The following PLA2G4A variants were observed in gnomAD, a reference collection of about 807,000 sequenced individuals.
The protein encoded by PLA2G4A is phospholipase A2 group IVA, also known as cytosolic phospholipase A2.
A neutral mutation model predicts 81.9 loss-of-function variants in PLA2G4A; 40 were observed. That is an observed-to-expected ratio of 0.49 (90% confidence interval 0.38 to 0.64). The LOEUF (loss-of-function observed/expected upper bound fraction) is 0.64. Ranked by LOEUF, PLA2G4A falls within the 30% of genes least tolerant of loss-of-function variation. The probability of loss-of-function intolerance (pLI) is 0.00; values close to 1 mark genes in which losing one functional copy is unlikely to be tolerated. For synonymous variants in PLA2G4A, 302 were observed against 296.9 expected, an observed-to-expected ratio of 1.02 and a Z score of -0.18; for missense variants, 715 against 905.1, an observed-to-expected ratio of 0.79 and a Z score of 2.69.
At position 186,936,944 on chromosome 1, in the gene PLA2G4A, A is replaced by G. The variant is rs185777469; in HGVS notation, c.696-2064A>G. Among the ~76,000 whole-genome samples, 216 of 151,942 alleles carry G rather than the reference A, an allele frequency of 1.4e-3. 2 individuals are homozygous for G. The highest frequency in any genetic ancestry group is 6.2e-4 in the South Asian group (3 of 4,822). The stretch of plus-strand genomic sequence containing the variant: ...TAAGCTACTCTCTTTTTGAAACTTG[A>G]TGGTATAATTGGGAAACATTATTGG... On this transcript the variant is annotated intron_variant, in intron 8 of 17. Coordinates refer to ENST00000367466, the MANE Select transcript of PLA2G4A (RefSeq NM_024420.3).
chr1:186,843,567 T>C (rs561918374), intron 1 of PLA2G4A, among the ~76,000 whole-genome samples: 1 of 152,312 alleles, frequency 6.6e-6, no homozygotes, highest in Non-Finnish European at 1.5e-5. Flanking sequence ...TAGTATACAA[T>C]ATTGTGATAA....
chr1:186,970,024 A>G (rs772035813), intron 15 of PLA2G4A, among the ~76,000 whole-genome samples: 1 of 152,002 alleles, frequency 6.6e-6, no homozygotes, highest in African/African-American at 2.4e-5. Context: ...TTACATTCCA[A>G]GCAACCATGT....
At chr1:186,958,817 G>A (rs1016433624) in intron 14 of PLA2G4A, among the ~76,000 whole-genome samples, 2 of 152,188 alleles carry the variant, frequency 1.3e-5, no homozygotes, top group African/African-American at 2.4e-5. Context: ...CTTCCTGGAA[G>A]TTTTGCAATA....
intron 2 of PLA2G4A, among the ~76,000 whole-genome samples, chr1:186,865,770 G>A (rs544641167): frequency 6.6e-6 from 1 of 152,068 alleles, no homozygotes; most frequent in East Asian, 1.9e-4. Context: ...AATTGATTTG[G>A]TATAAATTGG....
intron 2 of PLA2G4A, 100 bp from the exon 3 acceptor site, chr1:186,870,335 G>C: frequency 1.3e-6 from 1 of 746,786 alleles, no homozygotes. Flanking sequence ...TGGTATGCAT[G>C]CTACTTGTTT....
At chr1:186,897,320 G>GGA (rs1248987889) in intron 5 of PLA2G4A, among the ~76,000 whole-genome samples, 1 of 151,968 alleles carries the variant, frequency 6.6e-6, no homozygotes, top group Non-Finnish European at 1.5e-5. Context: ...TTGAGAGAAT[G>GGA]GACCCTCGTT....
chr1:186,898,407 C>G (rs143865664), intron 5 of PLA2G4A, among the ~76,000 whole-genome samples: 1 of 152,196 alleles, frequency 6.6e-6, no homozygotes, highest in East Asian at 1.9e-4. Flanking sequence ...TTTTATTAAA[C>G]AACTGTTATG....
At chr1:186,907,404 A>AT (rs1457563381) in intron 6 of PLA2G4A, among the ~76,000 whole-genome samples, 1 of 152,188 alleles carries the variant, frequency 6.6e-6, no homozygotes. Flanking sequence ...CTATATAATA[A>AT]TTTTTAAAAT....
chr1:186,909,101 G>A (rs1654847068), intron 6 of PLA2G4A, among the ~76,000 whole-genome samples: 1 of 148,440 alleles, frequency 6.7e-6, no homozygotes, highest in Non-Finnish European at 1.5e-5. Flanking sequence ...AGCCTCCCGA[G>A]TAGCTGGGAC....
chr1:186,844,969 G>T (rs376023402), intron 1 of PLA2G4A, among the ~76,000 whole-genome samples: 26 of 152,194 alleles, frequency 1.7e-4, no homozygotes, highest in African/African-American at 6.3e-4. Context: ...CCCAACTTTG[G>T]GAGGCCAAGG....
At chr1:186,854,751 G>A (rs745408567) in intron 2 of PLA2G4A, among the ~76,000 whole-genome samples, 1 of 151,924 alleles carries the variant, frequency 6.6e-6, no homozygotes, top group African/African-American at 2.4e-5. Context: ...TGAGTTTAGG[G>A]CTATGTTATG....
chr1:186,885,952 G>A (rs1448584252), intron 3 of PLA2G4A, among the ~76,000 whole-genome samples: 1 of 151,920 alleles, frequency 6.6e-6, no homozygotes, highest in East Asian at 1.9e-4. Context: ...GAGGGAATAG[G>A]GCAAAAGTAA....
intron 2 of PLA2G4A, among the ~76,000 whole-genome samples, chr1:186,863,927 A>AT (rs1652916133): frequency 6.6e-6 from 1 of 151,702 alleles, no homozygotes; most frequent in African/African-American, 2.4e-5. Context: ...CGCCTGGCTA[A>AT]TTTTTTATAT....
chr1:186,984,318 T>A (rs1164478173), intron 17 of PLA2G4A, among the ~76,000 whole-genome samples: 1 of 152,158 alleles, frequency 6.6e-6, no homozygotes, highest in African/African-American at 2.4e-5. Flanking sequence ...GGAGGGAATA[T>A]GTCTTCTGAG....
At chr1:186,899,123 C>T (rs961222171) in intron 5 of PLA2G4A, among the ~76,000 whole-genome samples, 8 of 152,112 alleles carry the variant, frequency 5.3e-5, no homozygotes, top group African/African-American at 1.9e-4. Context: ...AAACTAGGGG[C>T]AGAGAATGGG....
At chr1:186,918,137 C>T (rs1453277158) in intron 7 of PLA2G4A, among the ~76,000 whole-genome samples, 1 of 152,120 alleles carries the variant, frequency 6.6e-6, no homozygotes, top group Non-Finnish European at 1.5e-5. Context: ...TGTACCAGGT[C>T]AGGTGTTTGA....
At chr1:186,949,506 T>C (rs1033823060) in intron 12 of PLA2G4A, among the ~76,000 whole-genome samples, 3 of 152,074 alleles carry the variant, frequency 2.0e-5, no homozygotes, top group African/African-American at 7.2e-5. Context: ...GCACCTGGGA[T>C]AGATCATTTC....
At chr1:186,964,035 A>C (rs1332150961) in intron 14 of PLA2G4A, among the ~76,000 whole-genome samples, 1 of 152,266 alleles carries the variant, frequency 6.6e-6, no homozygotes, top group African/African-American at 2.4e-5. Context: ...TTAGAAATCT[A>C]TGAAGGGAAA....
intron 1 of PLA2G4A, among the ~76,000 whole-genome samples, chr1:186,843,835 T>A (rs1429795307): frequency 6.6e-6 from 1 of 152,198 alleles, no homozygotes; most frequent in African/African-American, 2.4e-5. Context: ...TCAGATCAGT[T>A]ACCATTTTCT....
Sources: allele counts gnomAD v4.1 joint callset (sites outside exome capture counted in the v4.1 genomes callset), GRCh38; gene constraint gnomAD v4.1.1; transcripts MANE v1.5; gene names NCBI Gene and HGNC (gene_info 2026-07-23, HGNC 2026-07-21).